Variants in GPHN observed in about 807,000 individuals in gnomAD.
GPHN encodes the protein gephyrin.
In GPHN, 17 loss-of-function variants were observed where a neutral mutation model predicts 95.5. That is an observed-to-expected ratio of 0.18 (90% CI 0.12 to 0.27). The LOEUF is 0.27. GPHN is among the 10% of genes least tolerant of loss of function. GPHN has a pLI of 1.00. For missense variants in GPHN, 660 were observed against 978.1 expected (o/e 0.67, Z 4.34); for synonymous variants, 320 against 322.5 (o/e 0.99, Z 0.08).
the GPHN span, among the ~76,000 whole-genome samples, chr14:67,507,473 G>T: frequency 6.6e-6 from 1 of 152,088 alleles, no homozygotes. Flanking sequence ...GGAGTCCCCA[G>T]GGTCTCGGTC....
At chr14:67,668,319 G>C in the GPHN span, among the ~76,000 whole-genome samples, 1 of 152,104 alleles carries the variant, frequency 6.6e-6, no homozygotes, top group African/African-American at 2.4e-5. Flanking sequence ...AGAAATTATG[G>C]CCATAGGTAT....
intron 2 of GPHN, among the ~76,000 whole-genome samples, chr14:66,741,472 T>G (rs1268098152): frequency 1.3e-5 from 2 of 152,132 alleles, no homozygotes; most frequent in African/African-American, 4.8e-5. Flanking sequence ...TATAAGGCAA[T>G]TCAATATTAG....
At chr14:67,578,264 T>C in the GPHN span, 1 of 1,431,792 alleles carries the variant, frequency 7.0e-7, no homozygotes. The surrounding 1 kb of genome is among the most constrained non-coding windows in gnomAD (Gnocchi z 5.0). Flanking sequence ...GTGGGAAAGG[T>C]GGGAGGAGGT....
the GPHN span, chr14:67,199,752 G>C: frequency 7.1e-6 from 11 of 1,553,714 alleles, no homozygotes; most frequent in Non-Finnish European, 4.4e-6. Context: ...TTGGGGTCTG[G>C]GCTTCCTCCA....
chr14:67,245,196 T>G, the GPHN span, among the ~76,000 whole-genome samples: 5 of 152,252 alleles, frequency 3.3e-5, no homozygotes, highest in African/African-American at 1.2e-4. Flanking sequence ...TGTGGCAATT[T>G]GTTACATTGG....
chr14:66,557,046 T>G (rs1057043948), intron 1 of GPHN, among the ~76,000 whole-genome samples: 4 of 151,628 alleles, frequency 2.6e-5, no homozygotes, highest in Non-Finnish European at 5.9e-5. Flanking sequence ...AAAATAAAAC[T>G]AAAAAATAAA....
At chr14:67,479,074 A>G in the GPHN span, among the ~76,000 whole-genome samples, 1 of 152,154 alleles carries the variant, frequency 6.6e-6, no homozygotes, top group South Asian at 2.1e-4. Context: ...TTTTCCTAAC[A>G]AGCATGTATA....
At chr14:67,429,495 G>A in the GPHN span, among the ~76,000 whole-genome samples, 2 of 149,972 alleles carry the variant, frequency 1.3e-5, no homozygotes, top group Admixed American at 1.3e-4. Context: ...TCCTAAAGTG[G>A]CTCATGGCCA....
the GPHN span, among the ~76,000 whole-genome samples, chr14:67,483,446 A>T: frequency 3.3e-5 from 5 of 151,926 alleles, no homozygotes; most frequent in African/African-American, 1.2e-4. Flanking sequence ...GGGCACTACC[A>T]TTTTCTGAGT....
At chr14:67,592,810 G>C in the GPHN span, 1 of 839,544 alleles carries the variant, frequency 1.2e-6, no homozygotes, top group South Asian at 1.6e-5. Context: ...TTTTGAGACA[G>C]AGTCTCTCTC....
chr14:67,543,875 A>T, the GPHN span, among the ~76,000 whole-genome samples: 1 of 152,196 alleles, frequency 6.6e-6, no homozygotes, highest in African/African-American at 2.4e-5. Context: ...AAAAAGTAAG[A>T]AAAGTCCTCA....
At chr14:67,653,392 A>C in the GPHN span, 11 of 1,573,654 alleles carry the variant, frequency 7.0e-6, 1 homozygote, top group South Asian at 1.2e-4. Flanking sequence ...TTTTGGTTGA[A>C]AGCCACTGAG....
At chr14:67,715,470 T>A in the GPHN span, among the ~76,000 whole-genome samples, 1 of 152,242 alleles carries the variant, frequency 6.6e-6, no homozygotes, top group Admixed American at 6.5e-5. Context: ...AGCCCTTGAG[T>A]TGGCAGAAGC....
intron 3 of GPHN, among the ~76,000 whole-genome samples, chr14:66,816,359 A>C (rs2060965256): frequency 6.6e-6 from 1 of 152,210 alleles, no homozygotes; most frequent in African/African-American, 2.4e-5. Flanking sequence ...CATTCTTCTT[A>C]TTGTCACATG....
At chr14:66,629,209 TTATA>T (rs1026252288) in intron 1 of GPHN, among the ~76,000 whole-genome samples, 2 of 136,838 alleles carry the variant, frequency 1.5e-5, no homozygotes, top group Non-Finnish European at 3.2e-5. Flanking sequence ...AAATATATAT[TTATA>T]TACATATATA....
the GPHN span, among the ~76,000 whole-genome samples, chr14:67,428,285 C>T: frequency 6.6e-6 from 1 of 152,186 alleles, no homozygotes; most frequent in Non-Finnish European, 1.5e-5. Context: ...CCTCTGACTG[C>T]TTCCAGTGCA....
chr14:67,721,152 C>G, the GPHN span, among the ~76,000 whole-genome samples: 12 of 152,140 alleles, frequency 7.9e-5, no homozygotes, highest in Admixed American at 7.2e-4. Context: ...CATGGGTGTT[C>G]CTGGAGGCTC....
the GPHN span, among the ~76,000 whole-genome samples, chr14:67,193,612 G>GAT: frequency 6.9e-6 from 1 of 144,016 alleles, no homozygotes; most frequent in Non-Finnish European, 1.5e-5. Flanking sequence ...TAGATATATA[G>GAT]ATAGAAATAT....
intron 10 of GPHN, among the ~76,000 whole-genome samples, chr14:67,058,122 A>C (rs925744161): frequency 6.6e-6 from 1 of 152,156 alleles, no homozygotes; most frequent in South Asian, 2.1e-4. Context: ...GTTGTGAATG[A>C]TTTTTTTATA....
Sources: allele counts gnomAD v4.1 joint callset (sites outside exome capture counted in the v4.1 genomes callset), GRCh38; gene constraint gnomAD v4.1.1; non-coding constraint Gnocchi (gnomAD v3.1); transcripts MANE v1.5; gene names NCBI Gene and HGNC (gene_info 2026-07-23, HGNC 2026-07-21).